Variants in ATL1 observed in about 807,000 individuals in gnomAD.
The protein encoded by ATL1 is atlastin GTPase 1, also known as atlastin-1.
In ATL1, 31 loss-of-function variants were observed where a neutral mutation model predicts 75.5. The ratio of observed to expected loss-of-function variants is 0.41; its 90% CI spans 0.31 to 0.55. The LOEUF (loss-of-function observed/expected upper bound fraction) is 0.55, where lower values mean the gene tolerates loss of function less well. Ranked by LOEUF, ATL1 falls within the 20% of genes least tolerant of loss-of-function variation. ATL1 has a pLI of 0.27. For synonymous variants in ATL1, 226 were observed against 233.3 expected (o/e 0.97, Z 0.28); for missense variants, 405 against 662.6 (o/e 0.61, Z 4.27).
chr14:50,578,899 T>C (rs1202940392), intron 1 of ATL1, among the ~76,000 whole-genome samples: 3 of 152,242 alleles, frequency 2.0e-5, no homozygotes, highest in Non-Finnish European at 4.4e-5. Flanking sequence ...AAAGATGCTG[T>C]ATCCATTTTA....
intron 1 of ATL1, among the ~76,000 whole-genome samples, chr14:50,550,938 A>T (rs945107663): frequency 3.9e-5 from 6 of 152,192 alleles, no homozygotes; most frequent in Non-Finnish European, 8.8e-5. Context: ...GCTTACATCA[A>T]AAAGTCTGAA....
In ATL1 at chr14:50,586,042, G is replaced by GAT. The variant is rs199837733; in HGVS notation, c.35-1778_35-1777dup. On this transcript the variant is annotated intron_variant, in intron 1 of 13. Coordinates refer to ENST00000358385, the MANE Select transcript of ATL1 (RefSeq NM_015915.5). ...TGAACAGCAATAAAGTTATCAATGT[G>GAT]ATATATATATATCAATGTGATCTGA... Among the ~76,000 whole-genome samples, 137 of 151,858 alleles carry GAT rather than the reference G, an allele frequency of 9.0e-4. 1 individual carries two copies. In the East Asian group the frequency reaches 0.018, roughly 20 times the overall value.
intron 1 of ATL1, among the ~76,000 whole-genome samples, chr14:50,562,508 T>G (rs775102945): frequency 4.8e-4 from 73 of 152,228 alleles, no homozygotes; most frequent in Non-Finnish European, 9.1e-4. Context: ...GAAATCTGCC[T>G]TTTAATTAGC....
At chr14:50,626,905 A>G (rs1280322033) in intron 11 of ATL1, among the ~76,000 whole-genome samples, 1 of 151,784 alleles carries the variant, frequency 6.6e-6, no homozygotes, top group Non-Finnish European at 1.5e-5. Flanking sequence ...CCTTCCCCCT[A>G]CTCTTTTCCT....
intron 11 of ATL1, among the ~76,000 whole-genome samples, chr14:50,625,417 T>C (rs1338738345): frequency 1.3e-5 from 2 of 152,222 alleles, no homozygotes; most frequent in African/African-American, 2.4e-5. Flanking sequence ...CCTGAGATCA[T>C]TGATGAAGGT....
At chr14:50,623,938 C>G (rs2039492179) in intron 11 of ATL1, among the ~76,000 whole-genome samples, 1 of 152,026 alleles carries the variant, frequency 6.6e-6, no homozygotes, top group Non-Finnish European at 1.5e-5. Flanking sequence ...ACCTGTAATC[C>G]CAGCTACTTG....
chr14:50,575,890 G>C (rs146662913), intron 1 of ATL1, among the ~76,000 whole-genome samples: 1 of 152,222 alleles, frequency 6.6e-6, no homozygotes, highest in Non-Finnish European at 1.5e-5. Flanking sequence ...CAGTAGCTGA[G>C]TGCCAGCTTC....
chr14:50,611,214 G>A (rs1451332264), intron 6 of ATL1, among the ~76,000 whole-genome samples: 1 of 152,002 alleles, frequency 6.6e-6, no homozygotes, highest in East Asian at 1.9e-4. Context: ...CACCTACACC[G>A]CTGACCTTTC....
rs1566725003 is a variant in ATL1, at chr14:50,593,895, A to G, written c.572A>G (p.Gln191Arg). 1 of 1,604,078 alleles carries G rather than the reference A, an allele frequency of 6.2e-7. No individual in the cohort carries two copies. The highest frequency in any genetic ancestry group is 8.5e-7 in the Non-Finnish European group (1 of 1,171,590). ...NVQEDDLQHL[Q>R]LFTEYGRLAM... ...CAGGAGGATGATCTTCAGCACCTCC[A>G]GGTAACAATATTTATTTTCTTTTTT... The change falls in exon 5 of 14, where the codon CAG (glutamine) becomes CGG (arginine). Residue 191 changes from glutamine to arginine, a missense_variant and splice_region_variant. Transcript: ENST00000358385.
intron 1 of ATL1, among the ~76,000 whole-genome samples, chr14:50,581,682 ATT>A (rs1296744913): frequency 6.6e-6 from 1 of 152,162 alleles, no homozygotes; most frequent in Non-Finnish European, 1.5e-5. Context: ...GAGATAACAT[ATT>A]CTTTCTTACT....
At chr14:50,535,935 C>A (rs571694267) in intron 1 of ATL1, among the ~76,000 whole-genome samples, 79 of 152,288 alleles carry the variant, frequency 5.2e-4, no homozygotes, top group African/African-American at 1.9e-3. Flanking sequence ...ATAACTCTCA[C>A]GAGACCTGAT....
At chr14:50,566,041 AGGCTGG>A (rs1173859268) in intron 1 of ATL1, among the ~76,000 whole-genome samples, 2 of 152,016 alleles carry the variant, frequency 1.3e-5, no homozygotes, top group African/African-American at 4.8e-5. Context: ...TCTGTCACCC[AGGCTGG>A]AGTGCAATGG....
At chr14:50,594,047 C>A in intron 5 of ATL1, 151 bp downstream of exon 5, 1 of 656,872 alleles carries the variant, frequency 1.5e-6, no homozygotes, top group Non-Finnish European at 2.7e-6. Context: ...GTAATTACTG[C>A]CTGAGACTGG....
chr14:50,565,063 G>T (rs549801605), intron 1 of ATL1, among the ~76,000 whole-genome samples: 2 of 152,084 alleles, frequency 1.3e-5, no homozygotes, highest in Non-Finnish European at 2.9e-5. Flanking sequence ...AAGGTGGGCA[G>T]ATCACCTGAG....
intron 1 of ATL1, among the ~76,000 whole-genome samples, chr14:50,562,401 C>T (rs576806484): frequency 2.0e-4 from 30 of 152,228 alleles, no homozygotes; most frequent in Admixed American, 5.9e-4. Flanking sequence ...TTCTCACATC[C>T]GGTTTTCATA....
chr14:50,577,122 G>A (rs975256522), intron 1 of ATL1, among the ~76,000 whole-genome samples: 1 of 152,060 alleles, frequency 6.6e-6, no homozygotes, highest in South Asian at 2.1e-4. Context: ...GAATGCAGTG[G>A]CGCAATCTCA....
intron 12 of ATL1, among the ~76,000 whole-genome samples, chr14:50,629,011 CCTA>C (rs1247378071): frequency 2.6e-5 from 4 of 152,186 alleles, no homozygotes; most frequent in African/African-American, 2.4e-5. Context: ...AGCCACCCAG[CCTA>C]CTTTTTATTA....
At chr14:50,625,724 C>T (rs917071048) in intron 11 of ATL1, among the ~76,000 whole-genome samples, 1 of 151,944 alleles carries the variant, frequency 6.6e-6, no homozygotes, top group Non-Finnish European at 1.5e-5. Flanking sequence ...AGATAGAGAC[C>T]ACGGTAAAAC....
intron 1 of ATL1, among the ~76,000 whole-genome samples, chr14:50,549,771 G>T (rs1039433406): frequency 6.6e-6 from 1 of 152,186 alleles, no homozygotes; most frequent in Non-Finnish European, 1.5e-5. Context: ...GAAAAAAAAG[G>T]AATGGCCTTT....
Sources: gnomAD v4.1 joint callset for allele counts (sites outside exome capture counted in the v4.1 genomes callset) on GRCh38, gnomAD v4.1.1 for gene constraint, MANE v1.5 for transcripts, NCBI Gene and HGNC (gene_info 2026-07-23, HGNC 2026-07-21) for gene names.